ALK: variants seen among roughly 807,000 people sequenced by gnomAD.
ALK encodes the protein ALK tyrosine kinase receptor.
A neutral mutation model predicts 163.1 loss-of-function variants in ALK; 74 were observed. The observed-to-expected ratio is 0.45, with a 90% CI of 0.38 to 0.55. The LOEUF (loss-of-function observed/expected upper bound fraction) is 0.55. Among genes scored for constraint, ALK ranks in the 20% least tolerant of loss-of-function variants. ALK has a pLI of 0.00. For missense variants in ALK, 2,063 were observed against 2,105.3 expected (o/e 0.98, Z 0.39); for synonymous variants, 960 against 843.2 (o/e 1.14, Z -2.40).
At chr2:29,617,407 T>C (rs1675876319) in intron 3 of ALK, among the ~76,000 whole-genome samples, 1 of 152,224 alleles carries the variant, frequency 6.6e-6, no homozygotes, top group South Asian at 2.1e-4. Context: ...TGATCATCTG[T>C]AGGCCCTCGA....
intron 8 of ALK, among the ~76,000 whole-genome samples, chr2:29,299,082 G>C (rs1022855511): frequency 2.0e-5 from 3 of 152,170 alleles, no homozygotes; most frequent in Non-Finnish European, 4.4e-5. Context: ...GTTACTTGTT[G>C]CTCATTCTCT....
chr2:29,379,984 C>G (rs918182492), intron 5 of ALK, among the ~76,000 whole-genome samples: 1 of 151,972 alleles, frequency 6.6e-6, no homozygotes, highest in African/African-American at 2.4e-5. Flanking sequence ...ACAGGCTGTA[C>G]AGGAAGCATG....
At chr2:29,835,306 A>T (rs143415892) in intron 1 of ALK, among the ~76,000 whole-genome samples, 11 of 152,346 alleles carry the variant, frequency 7.2e-5, no homozygotes, top group African/African-American at 1.7e-4. Flanking sequence ...ACCTAATAAC[A>T]TAAGGGGGGA....
intron 4 of ALK, among the ~76,000 whole-genome samples, chr2:29,428,713 C>A (rs568026860): frequency 1.3e-5 from 2 of 152,088 alleles, no homozygotes; most frequent in African/African-American, 4.8e-5. Flanking sequence ...TTATTACAAA[C>A]TCTTTCAAAC....
intron 4 of ALK, among the ~76,000 whole-genome samples, chr2:29,501,107 G>T (rs981593708): frequency 6.6e-6 from 1 of 152,068 alleles, no homozygotes; most frequent in Non-Finnish European, 1.5e-5. Flanking sequence ...GATGCATGGG[G>T]AGAAGAACTC....
chr2:29,761,608 G>T (rs1458319988), intron 1 of ALK, among the ~76,000 whole-genome samples: 1 of 152,234 alleles, frequency 6.6e-6, no homozygotes, highest in Non-Finnish European at 1.5e-5. Flanking sequence ...AGCAAAGAAT[G>T]CAGAGCTGCT....
At chr2:29,731,026 C>T (rs1679728464) in intron 1 of ALK, among the ~76,000 whole-genome samples, 1 of 152,200 alleles carries the variant, frequency 6.6e-6, no homozygotes. Context: ...TGTGTCATCA[C>T]TCAAACAAAG....
intron 26 of ALK, 53 bp from the exon 27 acceptor site, chr2:29,197,729 T>TCA (rs138054421): frequency 1.8e-3 from 2,470 of 1,342,820 alleles, no homozygotes; most frequent in Non-Finnish European, 2.3e-3. Context: ...CCACCCACAT[T>TCA]CACACACACA....
intron 4 of ALK, among the ~76,000 whole-genome samples, chr2:29,403,377 T>C (rs1212814040): frequency 6.6e-6 from 1 of 152,066 alleles, no homozygotes; most frequent in Non-Finnish European, 1.5e-5. Context: ...GTCCAGTGGG[T>C]TGCCTAAATC....
chr2:29,844,914 A>T (rs1665802830), intron 1 of ALK, among the ~76,000 whole-genome samples: 1 of 151,324 alleles, frequency 6.6e-6, no homozygotes, highest in Admixed American at 6.6e-5. Context: ...CAGTACACAC[A>T]CTGCTCATCC....
At chr2:29,504,309 C>T (rs1332991007) in intron 4 of ALK, among the ~76,000 whole-genome samples, 1 of 152,092 alleles carries the variant, frequency 6.6e-6, no homozygotes. Context: ...TCACACAGGG[C>T]TTTAGGCTGA....
intron 1 of ALK, among the ~76,000 whole-genome samples, chr2:29,877,820 G>A (rs1014121152): frequency 6.6e-6 from 1 of 152,164 alleles, no homozygotes; most frequent in Non-Finnish European, 1.5e-5. Flanking sequence ...GCTCCTAGGG[G>A]AGAATCCAGG....
intron 1 of ALK, among the ~76,000 whole-genome samples, chr2:29,794,458 T>C (rs1664258849): frequency 1.3e-5 from 2 of 152,178 alleles, no homozygotes; most frequent in South Asian, 2.1e-4. Flanking sequence ...TTCCTTTCCA[T>C]CACACTTGAT....
intron 5 of ALK, among the ~76,000 whole-genome samples, chr2:29,356,491 G>A (rs942939029): frequency 1.8e-4 from 28 of 151,866 alleles, no homozygotes; most frequent in African/African-American, 6.3e-4. Flanking sequence ...GGAAGAAACT[G>A]TTAGAAAATT....
chr2:29,482,742 T>TAACAAC (rs67779903), intron 4 of ALK, among the ~76,000 whole-genome samples: 19 of 151,028 alleles, frequency 1.3e-4, no homozygotes, highest in African/African-American at 4.6e-4. Flanking sequence ...AAAACAACAA[T>TAACAAC]AACAACAACA....
At chr2:29,844,212 C>T (rs113578780) in intron 1 of ALK, among the ~76,000 whole-genome samples, 252 of 152,218 alleles carry the variant, frequency 1.7e-3, no homozygotes, top group Non-Finnish European at 2.7e-3. Context: ...AAGAAAACAA[C>T]GCATGCATAT....
intron 7 of ALK, 38 bp downstream of exon 7, chr2:29,320,713 A>AGATGG (rs1293583528): frequency 6.2e-7 from 1 of 1,612,320 alleles, no homozygotes; most frequent in Admixed American, 1.7e-5. Context: ...GTGGGCATGA[A>AGATGG]GATGGGCACC....
chr2:29,557,726 A>T (rs890134670), intron 3 of ALK, among the ~76,000 whole-genome samples: 1 of 152,170 alleles, frequency 6.6e-6, no homozygotes, highest in African/African-American at 2.4e-5. Context: ...GGGAATATAT[A>T]ATATAGTGTG....
chr2:29,737,331 A>C (rs1679919756), intron 1 of ALK, among the ~76,000 whole-genome samples: 1 of 151,702 alleles, frequency 6.6e-6, no homozygotes, highest in Non-Finnish European at 1.5e-5. Flanking sequence ...GATGAATGTG[A>C]ATTACTTTTG....
Sources: gnomAD v4.1 joint callset for allele counts (sites outside exome capture counted in the v4.1 genomes callset) on GRCh38, gnomAD v4.1.1 for gene constraint, MANE v1.5 for transcripts, NCBI Gene and HGNC (gene_info 2026-07-23, HGNC 2026-07-21) for gene names.